The following FHIT variants were observed in gnomAD, a reference collection of about 807,000 sequenced individuals.
FHIT encodes bis(5'-adenosyl)-triphosphatase.
Under a neutral mutation model 17.9 loss-of-function variants are expected in FHIT, and 19 were observed. That is an observed-to-expected ratio of 1.06 (90% CI 0.74 to 1.56). The LOEUF is 1.56. Among genes scored for constraint, FHIT ranks in the 40% most tolerant of loss-of-function variants. The pLI, the probability that FHIT is intolerant of heterozygous loss-of-function variation, is 0.00. For synonymous variants in FHIT, 81 were observed against 69.7 expected (o/e 1.16, Z -0.81); for missense variants, 248 against 189.2 (o/e 1.31, Z -1.82).
At chr3:59,884,842 A>C (rs1703550984) in intron 8 of FHIT, among the ~76,000 whole-genome samples, 2 of 152,176 alleles carry the variant, frequency 1.3e-5, no homozygotes, top group Non-Finnish European at 2.9e-5. Context: ...TTAATGTGAG[A>C]TCCTTGGGAC....
intron 7 of FHIT, among the ~76,000 whole-genome samples, chr3:60,006,799 A>G (rs1575867473): frequency 6.6e-6 from 1 of 152,260 alleles, no homozygotes; most frequent in East Asian, 1.9e-4. Context: ...TTAAGAGATA[A>G]AATGTCCTCA....
chr3:60,457,478 C>A (rs1231261854), intron 5 of FHIT, among the ~76,000 whole-genome samples: 1 of 151,878 alleles, frequency 6.6e-6, no homozygotes, highest in Admixed American at 6.6e-5. Context: ...CATAAAAACC[C>A]TAGAAGAAAA....
chr3:60,304,078 C>A (rs1708561048), intron 5 of FHIT, among the ~76,000 whole-genome samples: 1 of 152,084 alleles, frequency 6.6e-6, no homozygotes, highest in African/African-American at 2.4e-5. Context: ...TCCTTCTCTC[C>A]TTCTTTACGT....
At chr3:59,774,156 C>G (rs1160337640) in intron 8 of FHIT, among the ~76,000 whole-genome samples, 4 of 152,110 alleles carry the variant, frequency 2.6e-5, no homozygotes, top group African/African-American at 9.7e-5. Flanking sequence ...CATTGGCAGA[C>G]GACAGCCACT....
intron 3 of FHIT, among the ~76,000 whole-genome samples, chr3:60,988,521 T>A (rs755841699): frequency 6.6e-6 from 1 of 152,092 alleles, no homozygotes; most frequent in Non-Finnish European, 1.5e-5. Context: ...ATGGAGCATA[T>A]CTGAGGAAAC....
At chr3:61,020,822 T>A (rs548085960) in intron 3 of FHIT, among the ~76,000 whole-genome samples, 7 of 151,994 alleles carry the variant, frequency 4.6e-5, no homozygotes, top group Admixed American at 1.3e-4. Context: ...AGGCTCAAAA[T>A]AAAGGGATGG....
At chr3:60,759,253 T>G (rs782616005) in intron 4 of FHIT, among the ~76,000 whole-genome samples, 1 of 152,174 alleles carries the variant, frequency 6.6e-6, no homozygotes, top group Non-Finnish European at 1.5e-5. Flanking sequence ...GCTACTGTGT[T>G]GCAAATAAGG....
rs2042461068 is a variant in FHIT, at chr3:60,751,299, A to T, written c.-18+70620T>A. On this transcript the variant is annotated intron_variant, in intron 4 of 9. Transcript: ENST00000492590. ...AAACTGAGGAACAGAGAGGTGTTCA[A>T]TGGATACTTAGAGTGAGACAGCACC... is the stretch of plus-strand genomic sequence containing the variant. Among the ~76,000 whole-genome samples the T allele has an allele frequency of 3.9e-5, 6 of 152,238 alleles. No individual in the cohort carries two copies. The South Asian group carries it at 1.2e-3, about 32-fold the overall frequency.
At chr3:60,460,661 A>G (rs2032404208) in intron 5 of FHIT, among the ~76,000 whole-genome samples, 1 of 152,214 alleles carries the variant, frequency 6.6e-6, no homozygotes, top group African/African-American at 2.4e-5. Context: ...AGGAGGATCC[A>G]TCTCTCCCAA....
chr3:60,934,405 A>G (rs1400046483), intron 3 of FHIT, among the ~76,000 whole-genome samples: 2 of 152,216 alleles, frequency 1.3e-5, no homozygotes, highest in East Asian at 3.9e-4. Context: ...CTTTACATCT[A>G]TTAGCCATTG....
Position 60,068,169 on chromosome 3 carries a change from A to T in FHIT, c.104-54017T>A, listed in dbSNP as rs545171865. Among the ~76,000 whole-genome samples the T allele has an allele frequency of 2.0e-4, 31 of 152,270 alleles. 1 individual carries two copies. In the South Asian group the frequency reaches 6.4e-3, roughly 32 times the overall value. Reference sequence around the variant, plus strand: ...GAGAATTCTTTGAACCAGGAGGCAGAGGTTGCAGTGAGCTGAGATCGCACC... The same window carrying T: ...GAGAATTCTTTGAACCAGGAGGCAGTGGTTGCAGTGAGCTGAGATCGCACC... On this transcript the variant is annotated intron_variant, in intron 5 of 9. Coordinates refer to ENST00000492590, the MANE Select transcript of FHIT (RefSeq NM_002012.4).
At position 59,871,545 on chromosome 3, in the gene FHIT, C is replaced by G. The variant is rs555691475; in HGVS notation, c.348+50801G>C. Reference sequence around the variant, plus strand: ...AGAGTATTTGGGTGACAAGGCTAAGCTCACATAATAAGTTTTACAGGCTAG... The same window carrying G: ...AGAGTATTTGGGTGACAAGGCTAAGGTCACATAATAAGTTTTACAGGCTAG... On this transcript the variant is annotated intron_variant, in intron 8 of 9. Coordinates refer to ENST00000492590, the MANE Select transcript of FHIT (RefSeq NM_002012.4). Among the ~76,000 whole-genome samples, 6 of 152,230 alleles carry G rather than the reference C, an allele frequency of 3.9e-5. No individual in the cohort carries two copies. In the South Asian group the frequency reaches 1.2e-3, roughly 32 times the overall value.
intron 5 of FHIT, among the ~76,000 whole-genome samples, chr3:60,356,575 G>T (rs966550044): frequency 6.6e-6 from 1 of 151,800 alleles, no homozygotes; most frequent in Non-Finnish European, 1.5e-5. Flanking sequence ...TGAGAACACC[G>T]TGAAATATAA....
chr3:60,057,172 C>T (rs1411719095), intron 5 of FHIT, among the ~76,000 whole-genome samples: 1 of 152,138 alleles, frequency 6.6e-6, no homozygotes, highest in African/African-American at 2.4e-5. Flanking sequence ...CCAGGTACAT[C>T]CTATGCATTA....
intron 4 of FHIT, among the ~76,000 whole-genome samples, chr3:60,570,283 T>C (rs1445702700): frequency 6.6e-6 from 1 of 152,120 alleles, no homozygotes; most frequent in Non-Finnish European, 1.5e-5. Context: ...GTGAGAATAA[T>C]CATACTGAGG....
intron 3 of FHIT, among the ~76,000 whole-genome samples, chr3:60,968,928 A>C (rs966793015): frequency 6.6e-6 from 1 of 152,134 alleles, no homozygotes; most frequent in Non-Finnish European, 1.5e-5. Flanking sequence ...CAACTTGATA[A>C]TGATATATTA....
At chr3:60,765,086 T>C (rs564505573) in intron 4 of FHIT, among the ~76,000 whole-genome samples, 2 of 152,260 alleles carry the variant, frequency 1.3e-5, no homozygotes, top group African/African-American at 2.4e-5. Flanking sequence ...TTGAAGCTCA[T>C]AGAAAAAAGA....
chr3:59,873,332 C>G (rs677264), intron 8 of FHIT, among the ~76,000 whole-genome samples: 143,191 of 152,294 alleles, frequency 0.94, 67,644 homozygotes, highest in East Asian at 1. Flanking sequence ...TGTATTTACT[C>G]ATCATTTACT....
At chr3:60,401,563 A>G (rs1559884687) in intron 5 of FHIT, among the ~76,000 whole-genome samples, 2 of 152,114 alleles carry the variant, frequency 1.3e-5, no homozygotes, top group East Asian at 3.9e-4. Flanking sequence ...ATAACACATG[A>G]TCCCTTCTAG....
Sources: allele counts gnomAD v4.1 joint callset (sites outside exome capture counted in the v4.1 genomes callset), GRCh38; gene constraint gnomAD v4.1.1; transcripts MANE v1.5; gene names NCBI Gene and HGNC (gene_info 2026-07-23, HGNC 2026-07-21).